The following FAAH2 variants were observed in gnomAD, a reference collection of about 807,000 sequenced individuals.
FAAH2 encodes the protein fatty acid amide hydrolase 2.
Under a neutral mutation model 36.9 loss-of-function variants are expected in FAAH2, and 60 were observed. The ratio of observed to expected loss-of-function variants is 1.63; its 90% confidence interval spans 1.32 to 2.02. The LOEUF (loss-of-function observed/expected upper bound fraction) is 2.02. Among genes scored for constraint, FAAH2 ranks in the 30% most tolerant of loss-of-function variants. FAAH2 has a pLI of 0.00. For synonymous variants in FAAH2, 214 were observed against 143.8 expected (o/e 1.49, Z -3.49); for missense variants, 689 against 397.5 (o/e 1.73, Z -6.23).
the FAAH2 span, among the ~76,000 whole-genome samples, chrX:57,277,421 T>C: frequency 9.0e-6 from 1 of 111,691 alleles, no homozygotes; most frequent in Non-Finnish European, 1.9e-5. Context: ...ATGGAATGTA[T>C]CTCAAAATAA....
At chrX:57,163,396 G>A in the FAAH2 span, among the ~76,000 whole-genome samples, 45 of 111,950 alleles carry the variant, frequency 4.0e-4, no homozygotes, top group Non-Finnish European at 6.8e-4. Flanking sequence ...CACCCAGTTC[G>A]AGCTTCCTGG....
the FAAH2 span, among the ~76,000 whole-genome samples, chrX:57,236,093 G>A: frequency 8.9e-6 from 1 of 112,089 alleles, no homozygotes; most frequent in East Asian, 2.8e-4. Context: ...TGAAATCACT[G>A]TAGTTTTCTT....
the FAAH2 span, among the ~76,000 whole-genome samples, chrX:57,212,758 G>A: frequency 1.3e-4 from 15 of 111,786 alleles, no homozygotes; most frequent in African/African-American, 4.9e-4. Flanking sequence ...AACTATTCCC[G>A]TTTACTGAAA....
chrX:57,452,174 T>C, intron 10 of FAAH2: 1 of 754,345 alleles, frequency 1.3e-6, no homozygotes, highest in Non-Finnish European at 1.6e-6. Flanking sequence ...TATCCTGAGA[T>C]GAACAGCATT....
At chrX:57,352,078 ATGTG>A (rs57050543) in intron 5 of FAAH2, among the ~76,000 whole-genome samples, 23,972 of 40,097 alleles carry the variant, frequency 0.6, 8,120 homozygotes, top group South Asian at 0.75. Context: ...ACATATATAT[ATGTG>A]TATATATATG....
At chrX:57,278,751 T>C in the FAAH2 span, among the ~76,000 whole-genome samples, 22 of 111,284 alleles carry the variant, frequency 2.0e-4, no homozygotes, top group African/African-American at 6.8e-4. Context: ...GTTAAACAAA[T>C]TTACAAGAAA....
intron 5 of FAAH2, among the ~76,000 whole-genome samples, chrX:57,351,100 G>T (rs771231722): frequency 9.0e-6 from 1 of 111,193 alleles, no homozygotes; most frequent in Non-Finnish European, 1.9e-5. Flanking sequence ...ACAAGAAAAA[G>T]CTTCAACACA....
chrX:57,455,271 C>G (rs1318340865), intron 10 of FAAH2, among the ~76,000 whole-genome samples: 1 of 111,082 alleles, frequency 9.0e-6, no homozygotes, highest in Non-Finnish European at 1.9e-5. Context: ...TTATTATTAC[C>G]AGACCACCCT....
intron 10 of FAAH2, among the ~76,000 whole-genome samples, chrX:57,459,180 A>G (rs758993847): frequency 5.3e-4 from 60 of 112,295 alleles, no homozygotes; most frequent in Non-Finnish European, 1.0e-3. Context: ...TTGACTAGGC[A>G]GTTTTCCCCT....
intron 10 of FAAH2, among the ~76,000 whole-genome samples, chrX:57,486,218 G>T (rs929046665): frequency 1.8e-5 from 2 of 111,763 alleles, no homozygotes; most frequent in Non-Finnish European, 3.8e-5. Flanking sequence ...TTACTGTTCA[G>T]CCACCTGGGA....
chrX:57,194,817 T>A, the FAAH2 span, among the ~76,000 whole-genome samples: 1 of 111,459 alleles, frequency 9.0e-6, no homozygotes, highest in Admixed American at 9.6e-5. Context: ...CTCCTACTTA[T>A]AAGTGAGAGC....
the FAAH2 span, among the ~76,000 whole-genome samples, chrX:57,145,076 A>G: frequency 9.0e-6 from 1 of 111,263 alleles, no homozygotes; most frequent in Non-Finnish European, 1.9e-5. Context: ...TTCTGTGGGT[A>G]GTGGGATTGC....
At chrX:57,249,903 G>A in the FAAH2 span, among the ~76,000 whole-genome samples, 2 of 111,830 alleles carry the variant, frequency 1.8e-5, no homozygotes, top group Non-Finnish European at 3.8e-5. Context: ...AATGACTATT[G>A]CTTAGAGATT....
chrX:57,409,289 G>A (rs781667438), intron 7 of FAAH2, among the ~76,000 whole-genome samples: 1 of 111,241 alleles, frequency 9.0e-6, no homozygotes, highest in African/African-American at 3.3e-5. Context: ...TTTTAACATG[G>A]TTGAATTAGG....
At chrX:57,125,081 C>A in the FAAH2 span, among the ~76,000 whole-genome samples, 1 of 112,586 alleles carries the variant, frequency 8.9e-6, no homozygotes, top group Non-Finnish European at 1.9e-5. Flanking sequence ...CTGTCTTGTG[C>A]CAGTTTTCAA....
the FAAH2 span, among the ~76,000 whole-genome samples, chrX:57,162,506 C>T: frequency 2.7e-5 from 3 of 111,868 alleles, no homozygotes; most frequent in South Asian, 3.8e-4. Context: ...ACCAATCAGA[C>T]GTAGATTTGG....
chrX:57,290,894 A>T lies in FAAH2; in HGVS notation c.193-1604A>T, dbSNP rs1383541951. On this transcript the variant is annotated intron_variant, in intron 1 of 10. Transcript: ENST00000374900. ...TTAGTTTTGTTTACCTCTTAGATCC[A>T]TTGGTTATATGGAAGAATGTTTTTG... 2.7e-5 allele frequency among the ~76,000 whole-genome samples: 3 copies of T among 111,690 alleles called. No individual in the cohort carries two copies. In the Admixed American group the frequency reaches 2.9e-4, roughly 11 times the overall value.
At chrX:57,154,267 C>CTT in the FAAH2 span, among the ~76,000 whole-genome samples, 66 of 95,010 alleles carry the variant, frequency 6.9e-4, 1 homozygote, top group African/African-American at 9.5e-4. Flanking sequence ...TATGTTGTAT[C>CTT]TTTTTTTTTT....
chrX:57,141,681 T>G, the FAAH2 span, among the ~76,000 whole-genome samples: 3 of 111,897 alleles, frequency 2.7e-5, no homozygotes, highest in African/African-American at 9.7e-5. Context: ...TGTCTAGGAA[T>G]TTACCCATTT....
Sources: allele counts gnomAD v4.1 joint callset (sites outside exome capture counted in the v4.1 genomes callset), GRCh38; gene constraint gnomAD v4.1.1; transcripts MANE v1.5; gene names NCBI Gene and HGNC (gene_info 2026-07-23, HGNC 2026-07-21).